Variants in TNR observed in about 807,000 individuals in gnomAD.
TNR encodes tenascin R.
In TNR, 45 loss-of-function variants were observed where a neutral mutation model predicts 150.4. That is an observed-to-expected ratio of 0.30 (90% confidence interval 0.24 to 0.38). The LOEUF (loss-of-function observed/expected upper bound fraction) is 0.38. TNR is among the 10% of genes least tolerant of loss of function. The probability of loss-of-function intolerance (pLI) is 1.00; values close to 1 mark genes in which losing one functional copy is unlikely to be tolerated. For synonymous variants in TNR, 687 were observed against 678.4 expected (o/e 1.01, Z -0.20); for missense variants, 1,544 against 1,759.1 (o/e 0.88, Z 2.19).
At chr1:175,521,989 C>G (rs576911646) in intron 2 of TNR, among the ~76,000 whole-genome samples, 1 of 152,340 alleles carries the variant, frequency 6.6e-6, no homozygotes, top group African/African-American at 2.4e-5. Context: ...TTTGTGTGGA[C>G]TGTGATGCAT....
In TNR at chr1:175,331,078, C is replaced by CTTCTTCTTTCTTTCTTTCT. The variant is rs1557868076; in HGVS notation, c.3632-844_3632-843insAGAAAGAAAGAAAGAAGAA. Reference sequence around the variant, plus strand: ...CTTTCTTTCTTTCTTTCTTTCTTTCCTTCTTTCTTTCTTTCTTTCTTTCTC... The same window carrying CTTCTTCTTTCTTTCTTTCT: ...CTTTCTTTCTTTCTTTCTTTCTTTCCTTCTTCTTTCTTTCTTTCTTTCTTTCTTTCTTTCTTTCTTTCTC... On this transcript the variant is annotated intron_variant, in intron 20 of 22. Coordinates refer to ENST00000367674, the MANE Select transcript of TNR (RefSeq NM_003285.3). Among the ~76,000 whole-genome samples the CTTCTTCTTTCTTTCTTTCT allele has an allele frequency of 3.6e-3, 214 of 59,998 alleles. 9 individuals carry two copies. The highest frequency in any genetic ancestry group is 0.023 in the Middle Eastern group (3 of 132). The allele number at this position is 59,998 out of a possible 152,430, so 39.4% of individuals were successfully genotyped here.
chr1:175,518,120 A>C (rs1659488270), intron 2 of TNR, among the ~76,000 whole-genome samples: 1 of 152,238 alleles, frequency 6.6e-6, no homozygotes, highest in South Asian at 2.1e-4. Flanking sequence ...CCCAGATATT[A>C]CATTGAAATA....
chr1:175,328,251 C>T lies in TNR; in HGVS notation c.3793+1823G>A, dbSNP rs150208065. Among the ~76,000 whole-genome samples, 21 of 152,292 alleles carry T rather than the reference C, an allele frequency of 1.4e-4. 1 individual carries two copies. The highest frequency in any genetic ancestry group is 4.8e-4 in the African/African-American group (20 of 41,546). On this transcript the variant is annotated intron_variant, in intron 21 of 22. Transcript: ENST00000367674. The stretch of plus-strand genomic sequence containing the variant: ...GCTTCTTTTGAGTCCCCACAACTTG[C>T]ACAATAAACTTTTAGGAGCTGCTCA...
intron 1 of TNR, among the ~76,000 whole-genome samples, chr1:175,624,491 C>A (rs375727499): frequency 1.4e-4 from 22 of 152,020 alleles, no homozygotes; most frequent in African/African-American, 5.1e-4. Flanking sequence ...TGGAGAAGAA[C>A]TCCATGTAAC....
intron 1 of TNR, among the ~76,000 whole-genome samples, chr1:175,633,685 A>G (rs1251197342): frequency 6.6e-6 from 1 of 152,186 alleles, no homozygotes; most frequent in Non-Finnish European, 1.5e-5. Context: ...TCCATATTAT[A>G]AATAGAACTT....
chr1:175,396,602 G>A lies in TNR; in HGVS notation c.1182C>T (p.Ser394=), dbSNP rs956899192. Residue 394 remains serine (S), a synonymous_variant, in exon 5 of 23, where the codon AGC becomes AGT. Transcript: ENST00000367674. The part of the protein sequence containing the change: ...ELEPGLTYNI[S]VYAVISNILS... ...GGATGTTGCTAATGACAGCGTAGAC[G>A]CTGATGTTGTAGGTGAGACCTGGCT... is the stretch of plus-strand genomic sequence containing the variant. 1.2e-6 allele frequency: 2 copies of A among 1,614,214 alleles called. No individual in the cohort carries two copies. Among genetic ancestry groups the A allele is most frequent in the Non-Finnish European group, 1.7e-6 (2 of 1,180,032 alleles).
chr1:175,440,947 A>G lies in TNR; in HGVS notation c.-63-34170T>C, dbSNP rs34922127. Among the ~76,000 whole-genome samples the G allele has an allele frequency of 7.1e-3, 1,089 of 152,328 alleles. 7 individuals are homozygous for G. The highest frequency in any genetic ancestry group is 0.014 in the Middle Eastern group (4 of 294). On this transcript the variant is annotated intron_variant, in intron 2 of 22. Coordinates refer to ENST00000367674, the MANE Select transcript of TNR (RefSeq NM_003285.3). Reference sequence around the variant, plus strand: ...GGGGGCTGGTTTTAGATAAAAGCCTAGCCATGAGAGGGAAGGTACTGTATA... The same window carrying G: ...GGGGGCTGGTTTTAGATAAAAGCCTGGCCATGAGAGGGAAGGTACTGTATA...
chr1:175,405,254 T>G (rs859401), intron 3 of TNR, among the ~76,000 whole-genome samples: 104,386 of 152,168 alleles, frequency 0.69, 36,201 homozygotes, highest in East Asian at 0.83. Context: ...TGCTTATACG[T>G]TACTTACAGA....
At chr1:175,448,731 C>T (rs1656175146) in intron 2 of TNR, among the ~76,000 whole-genome samples, 1 of 152,234 alleles carries the variant, frequency 6.6e-6, no homozygotes, top group Non-Finnish European at 1.5e-5. Flanking sequence ...TTCAAGGCTT[C>T]CGATATTCAC....
chr1:175,691,368 A>T (rs1482157809), intron 1 of TNR, among the ~76,000 whole-genome samples: 2 of 152,224 alleles, frequency 1.3e-5, no homozygotes, highest in Non-Finnish European at 2.9e-5. Context: ...AGAACTTATT[A>T]TGTGACAGGC....
intron 1 of TNR, among the ~76,000 whole-genome samples, chr1:175,630,124 G>A (rs1268108482): frequency 6.6e-6 from 1 of 152,114 alleles, no homozygotes; most frequent in Non-Finnish European, 1.5e-5. Context: ...AGGAACAAGG[G>A]CTTTGCAGGT....
chr1:175,569,169 T>C (rs143469961), intron 1 of TNR, among the ~76,000 whole-genome samples: 3 of 152,280 alleles, frequency 2.0e-5, no homozygotes, highest in South Asian at 2.1e-4. Context: ...TGCATCTCAA[T>C]TGCACTTGCT....
intron 9 of TNR, among the ~76,000 whole-genome samples, chr1:175,375,083 C>A (rs150271972): frequency 6.6e-6 from 1 of 152,176 alleles, no homozygotes; most frequent in Non-Finnish European, 1.5e-5. Flanking sequence ...TGATTTTTTT[C>A]GCTAAATTGC....
intron 2 of TNR, among the ~76,000 whole-genome samples, chr1:175,409,611 T>C (rs1393252844): frequency 6.6e-6 from 1 of 152,196 alleles, no homozygotes; most frequent in African/African-American, 2.4e-5. Flanking sequence ...GGATAAAAGA[T>C]AGACAAGGGT....
At chr1:175,725,905 T>C (rs7542456) in intron 1 of TNR, among the ~76,000 whole-genome samples, 3,391 of 152,270 alleles carry the variant, frequency 0.022, 121 homozygotes, top group African/African-American at 0.077. Flanking sequence ...GGCTCTACAA[T>C]GTGTTCTTGT....
At chr1:175,447,762 C>T (rs1163005448) in intron 2 of TNR, among the ~76,000 whole-genome samples, 3 of 152,152 alleles carry the variant, frequency 2.0e-5, no homozygotes, top group Non-Finnish European at 4.4e-5. Context: ...GCAATGAAGG[C>T]CTTAGCTCCG....
intron 1 of TNR, among the ~76,000 whole-genome samples, chr1:175,702,554 C>A (rs1255003866): frequency 6.6e-6 from 1 of 152,212 alleles, no homozygotes; most frequent in Non-Finnish European, 1.5e-5. Flanking sequence ...CTGGTTATCC[C>A]ATGCTGAAAT....
intron 2 of TNR, among the ~76,000 whole-genome samples, chr1:175,411,115 T>A (rs1557916543): frequency 6.6e-6 from 1 of 152,152 alleles, no homozygotes; most frequent in Non-Finnish European, 1.5e-5. Flanking sequence ...AGGGAAGTGG[T>A]TTCCACCAAA....
At chr1:175,528,145 G>T (rs1408984684) in intron 2 of TNR, 124 bp downstream of exon 2, 1 of 152,232 alleles carries the variant, frequency 6.6e-6, no homozygotes. Flanking sequence ...ATTTCAAGGA[G>T]ACTAGCCCCC....
Sources: gnomAD v4.1 joint callset for allele counts (sites outside exome capture counted in the v4.1 genomes callset) on GRCh38, gnomAD v4.1.1 for gene constraint, MANE v1.5 for transcripts, NCBI Gene and HGNC (gene_info 2026-07-23, HGNC 2026-07-21) for gene names.